TAF5L: variants seen among roughly 807,000 people sequenced by gnomAD.
TAF5L encodes the protein TATA-box binding protein associated factor 5 like, also known as TAF5-like RNA polymerase II p300/CBP-associated factor-associated factor 65 kDa subunit 5L.
TAF5L carries 7 observed loss-of-function variants against 51.3 expected under a neutral mutation model. The ratio of observed to expected loss-of-function variants is 0.14; its 90% CI spans 0.08 to 0.26. The LOEUF (loss-of-function observed/expected upper bound fraction) is 0.26. TAF5L is among the 10% of genes least tolerant of loss of function. The pLI is 1.00. For synonymous variants in TAF5L, 291 were observed against 308.1 expected, an observed-to-expected ratio of 0.94 and a Z score of 0.58; for missense variants, 575 against 758.9, an observed-to-expected ratio of 0.76 and a Z score of 2.85.
chr1:229,622,557 C>T (rs1215077715), intron 1 of TAF5L, among the ~76,000 whole-genome samples: 1 of 152,088 alleles, frequency 6.6e-6, no homozygotes, highest in Non-Finnish European at 1.5e-5. Context: ...AGATAGGGAA[C>T]TGCCAAGACT....
intron 1 of TAF5L, among the ~76,000 whole-genome samples, chr1:229,624,825 G>C (rs1276430707): frequency 6.6e-6 from 1 of 152,110 alleles, no homozygotes; most frequent in African/African-American, 2.4e-5. Context: ...CCCCTTCCAA[G>C]TAGAGCTGTG....
chr1:229,594,424 G>A lies in TAF5L; in HGVS notation c.1643C>T (p.Ala548Val). 1 of 1,614,204 alleles carries A rather than the reference G, an allele frequency of 6.2e-7. No homozygotes were observed. The highest frequency in any genetic ancestry group is 8.5e-7 in the Non-Finnish European group (1 of 1,180,038). ...CACGAGCTCGCTGGAGGAGCCGTCG[G>A]CAGGTGCACTGCAGTAAGTGTTCCT... Residue 548 changes from alanine to valine, a missense_variant, in exon 5 of 5, where the codon GCC becomes GTC. By Grantham distance (64) the Ala-to-Val change is moderately conservative. Transcript: ENST00000258281. The surrounding 1 kb of genome is among the most constrained non-coding windows in gnomAD (Gnocchi z 7.9).
chr1:229,605,108 G>GTATGTGTGTATATATATA (rs1553270421), intron 3 of TAF5L, among the ~76,000 whole-genome samples: 1 of 118,622 alleles, frequency 8.4e-6, no homozygotes, highest in African/African-American at 2.9e-5. Flanking sequence ...ATTTTTGTAT[G>GTATGTGTGTATATATATA]TATATATATA....
chr1:229,593,249 A>T (rs934973438), exon 5 of TAF5L: 1 of 152,226 alleles, frequency 6.6e-6, no homozygotes. Context: ...ATGCGTGCGT[A>T]CATACTTACG....
chr1:229,609,600 T>C (rs1319886648), intron 3 of TAF5L, among the ~76,000 whole-genome samples: 1 of 152,226 alleles, frequency 6.6e-6, no homozygotes, highest in Non-Finnish European at 1.5e-5. Context: ...TCTAGCATTT[T>C]TGCCTGTTCA....
At chr1:229,614,519 T>G (rs752904025) in intron 1 of TAF5L, 34 bp from the exon 2 acceptor site, 8 of 1,608,778 alleles carry the variant, frequency 5.0e-6, no homozygotes, top group Non-Finnish European at 6.8e-6. Flanking sequence ...TACAGAGACA[T>G]CAGGGGCCTG....
chr1:229,614,720 GCATCGATAATAAAGTCCTTAGAT>G (rs1234834926), intron 1 of TAF5L, among the ~76,000 whole-genome samples: 3 of 152,286 alleles, frequency 2.0e-5, no homozygotes, highest in African/African-American at 7.2e-5. Context: ...AATAGGAAAA[GCATCGATAATAAAGTCCTTAGAT>G]CACCCCCAAA....
intron 1 of TAF5L, among the ~76,000 whole-genome samples, chr1:229,615,752 G>A (rs965097772): frequency 7.2e-5 from 11 of 152,146 alleles, no homozygotes; most frequent in African/African-American, 2.7e-4. Context: ...ACCAATGACA[G>A]CTGGATGAAT....
chr1:229,610,176 A>C, exon 3 of TAF5L: 1 of 1,614,204 alleles, frequency 6.2e-7, no homozygotes. Flanking sequence ...AAGGGGCTGC[A>C]GACACTATGT....
chr1:229,610,069 T>G, intron 3 of TAF5L, 37 bp downstream of exon 3: 1 of 1,599,826 alleles, frequency 6.3e-7, no homozygotes, highest in Non-Finnish European at 8.6e-7. Context: ...TTACTCTGTT[T>G]TCTTAAAAAG....
intron 2 of TAF5L, among the ~76,000 whole-genome samples, chr1:229,611,644 A>G (rs1310547207): frequency 6.6e-6 from 1 of 151,966 alleles, no homozygotes; most frequent in Non-Finnish European, 1.5e-5. Context: ...AGATTCCTAA[A>G]ATATATCCTC....
exon 3 of TAF5L, chr1:229,610,165 C>G (rs1363207398): frequency 6.2e-7 from 1 of 1,614,002 alleles, no homozygotes; most frequent in African/African-American, 1.3e-5. Flanking sequence ...TTCTGCCTGG[C>G]AAGGGGCTGC....
chr1:229,625,664 G>A lies in TAF5L; in HGVS notation c.-4+221C>T, dbSNP rs943682914. 1.6e-4 allele frequency among the ~76,000 whole-genome samples: 24 copies of A among 150,102 alleles called. No homozygotes were observed. The highest frequency in any genetic ancestry group is 3.3e-4 in the Non-Finnish European group (22 of 67,374). On this transcript the variant is annotated intron_variant, in intron 1 of 4. Coordinates refer to ENST00000258281, the Ensembl canonical transcript of TAF5L. The surrounding 1 kb of genome is among the most constrained non-coding windows in gnomAD (Gnocchi z 4.0). ...ACTGCAGGCCACGCCGCCGGCCGCA[G>A]CCCGGGACTCGGGAGGCCGAGGGCG...
chr1:229,601,000 T>G, intron 4 of TAF5L: 1 of 984,682 alleles, frequency 1.0e-6, no homozygotes, highest in Non-Finnish European at 1.2e-6. Context: ...AAGGGAACTG[T>G]CTCCAAGGAA....
rs1665443285 is a variant in TAF5L, at chr1:229,625,895, A to C, written c.-14T>G. On this transcript the variant is annotated 5_prime_UTR_variant, in exon 1 of 5. Transcript: ENST00000258281. The surrounding 1 kb of genome is among the most constrained non-coding windows in gnomAD (Gnocchi z 4.0). ...GCTCCCGGCACTCACTGAACATCCCAGGCGGCTCCGGCTCCCCCCGCCGCC... is the reference window on the plus strand; with the variant it reads ...GCTCCCGGCACTCACTGAACATCCCCGGCGGCTCCGGCTCCCCCCGCCGCC... 8.4e-6 allele frequency: 1 copy of C among 118,406 alleles called. No individual in the cohort carries two copies. 7.3% of individuals were successfully genotyped at this position (118,406 alleles called of 1,614,324 possible).
At chr1:229,604,763 G>A (rs1664519540) in intron 3 of TAF5L, among the ~76,000 whole-genome samples, 1 of 152,150 alleles carries the variant, frequency 6.6e-6, no homozygotes, top group Non-Finnish European at 1.5e-5. Flanking sequence ...GTGGAAAGAG[G>A]CAACCATGAA....
intron 2 of TAF5L, among the ~76,000 whole-genome samples, chr1:229,612,476 C>T (rs182344730): frequency 6.6e-6 from 1 of 152,296 alleles, no homozygotes; most frequent in East Asian, 1.9e-4. Context: ...TGTAAATGGA[C>T]TCCCCTATTC....
intron 1 of TAF5L, among the ~76,000 whole-genome samples, chr1:229,622,477 GCTGT>G (rs1665247532): frequency 6.6e-6 from 1 of 152,108 alleles, no homozygotes; most frequent in Non-Finnish European, 1.5e-5. Flanking sequence ...TTCTGTAAGT[GCTGT>G]CTAAGCTTTG....
At chr1:229,601,497 A>G in intron 4 of TAF5L, 1 of 985,376 alleles carries the variant, frequency 1.0e-6, no homozygotes, top group African/African-American at 1.7e-5. Flanking sequence ...ATTTTTGGTG[A>G]CCTGAAACCC....
Sources: allele counts gnomAD v4.1 joint callset (sites outside exome capture counted in the v4.1 genomes callset), GRCh38; gene constraint gnomAD v4.1.1; non-coding constraint Gnocchi (gnomAD v3.1); transcripts MANE v1.5; gene names NCBI Gene and HGNC (gene_info 2026-07-23, HGNC 2026-07-21).